Variants in MECR observed in about 807,000 individuals in gnomAD.
MECR encodes the protein enoyl-[acyl-carrier-protein] reductase, mitochondrial.
In MECR, 37 loss-of-function variants were observed where a neutral mutation model predicts 49.1. The ratio of observed to expected loss-of-function variants is 0.75; its 90% confidence interval spans 0.58 to 0.99. The LOEUF (loss-of-function observed/expected upper bound fraction) is 0.99. Among genes scored for constraint, MECR ranks in the 50% least tolerant of loss-of-function variants. The pLI, the probability that MECR is intolerant of heterozygous loss-of-function variation, is 0.00. For synonymous variants in MECR, 198 were observed against 191.1 expected, an observed-to-expected ratio of 1.04 and a Z score of -0.30; for missense variants, 470 against 479.6, an observed-to-expected ratio of 0.98 and a Z score of 0.19.
At chr1:29,174,242 G>A in the MECR span, among the ~76,000 whole-genome samples, 179 of 151,456 alleles carry the variant, frequency 1.2e-3, 2 homozygotes, top group Middle Eastern at 6.8e-3. Context: ...CTTAAACACC[G>A]CAGGTGGAAA....
In MECR at chr1:29,230,767, AC is replaced by A. The variant is rs746463107; in HGVS notation, c.139del (p.Val47SerfsTer19). On this transcript the variant is annotated frameshift_variant, in exon 1 of 10. Transcript: ENST00000263702. LOFTEE classifies it high-confidence loss of function. Reference sequence around the variant, plus strand: ...GGCTGGATCCCCGTGGTGCCCATAGACAAGCGCCCGGACCCGGGCAGGCTCG... The same window carrying A: ...GGCTGGATCCCCGTGGTGCCCATAGAAAGCGCCCGGACCCGGGCAGGCTCG... ...SAEPARVRAL[V>X]YGHHGDPAKV... The A allele has an allele frequency of 1.3e-6, 2 of 1,596,826 alleles. No individual in the cohort carries two copies. Among genetic ancestry groups the A allele is most frequent in the Admixed American group, 3.6e-5 (2 of 56,166 alleles).
the MECR span, among the ~76,000 whole-genome samples, chr1:29,175,839 TTAGA>T: frequency 8.5e-5 from 13 of 152,180 alleles, no homozygotes; most frequent in Non-Finnish European, 1.8e-4. Flanking sequence ...TAACCTCTTC[TTAGA>T]TAATCCTAAA....
the MECR span, among the ~76,000 whole-genome samples, chr1:29,178,436 C>T: frequency 1.3e-5 from 2 of 150,404 alleles, no homozygotes; most frequent in Admixed American, 1.3e-4. Flanking sequence ...CTCCACCTCC[C>T]AGGTTCACGC....
At chr1:29,228,678 G>GC (rs1682722273) in intron 1 of MECR, among the ~76,000 whole-genome samples, 1 of 151,712 alleles carries the variant, frequency 6.6e-6, no homozygotes. Flanking sequence ...CATAATAGAA[G>GC]CTTTTTTTTT....
At chr1:29,219,411 G>C (rs1279117153) in intron 1 of MECR, among the ~76,000 whole-genome samples, 1 of 151,830 alleles carries the variant, frequency 6.6e-6, no homozygotes, top group African/African-American at 2.4e-5. Context: ...TTCTTCCACA[G>C]CTTCTCTATG....
the MECR span, among the ~76,000 whole-genome samples, chr1:29,174,865 G>A: frequency 6.6e-6 from 1 of 151,278 alleles, no homozygotes; most frequent in Non-Finnish European, 1.5e-5. Context: ...GTAGAGACAG[G>A]GTTTCACCAT....
At chr1:29,192,110 C>A (rs1242644972), downstream of MECR, among the ~76,000 whole-genome samples, 1 of 152,032 alleles carries the variant, frequency 6.6e-6, no homozygotes, top group East Asian at 1.9e-4. Flanking sequence ...AACAAACATT[C>A]CGAGCCAGTT....
At chr1:29,206,981 C>A in intron 3 of MECR, 76 bp from the exon 4 acceptor site, 1 of 1,543,282 alleles carries the variant, frequency 6.5e-7, no homozygotes, top group Non-Finnish European at 8.8e-7. Context: ...CCTCCTTGGC[C>A]AAGAAGCATC....
intron 9 of MECR, among the ~76,000 whole-genome samples, chr1:29,195,723 G>C (rs138767236): frequency 2.6e-5 from 4 of 152,184 alleles, no homozygotes; most frequent in Non-Finnish European, 5.9e-5. Flanking sequence ...TCTTCAGGAC[G>C]GGGGCAGTGT....
chr1:29,214,145 T>G (rs111814878), intron 3 of MECR, among the ~76,000 whole-genome samples: 4 of 148,802 alleles, frequency 2.7e-5, no homozygotes, highest in South Asian at 2.2e-4. Flanking sequence ...CACTGTAACC[T>G]CCGCCTCCTG....
the MECR span, among the ~76,000 whole-genome samples, chr1:29,183,996 A>G: frequency 2.0e-5 from 3 of 150,466 alleles, no homozygotes; most frequent in Non-Finnish European, 4.4e-5. Context: ...CTCCTTCCTC[A>G]GCCTCTAGAG....
rs949451177 is a variant in MECR at position 29,230,863 on chromosome 1, C to T, written c.44G>A (p.Arg15Gln). The T allele has an allele frequency of 1.9e-6, 3 of 1,605,934 alleles. No individual in the cohort carries two copies. The highest frequency in any genetic ancestry group is 1.3e-5 in the African/African-American group (1 of 74,942). The change falls in exon 1 of 10, where the codon CGG becomes CAG. Residue 15 changes from arginine (R) to glutamine (Q), a missense_variant. Physicochemically the swap from Arg to Gln is conservative, Grantham distance 43. Coordinates refer to ENST00000263702, the MANE Select transcript of MECR (RefSeq NM_016011.5). ...STLWRVRTPA[R>Q]QWRGLLPASG... The stretch of plus-strand genomic sequence containing the variant: ...AGCTGGGAGCAGCCCCCGCCACTGC[C>T]GGGCGGGGGTTCGCACCCGCCACAG...
chr1:29,205,881 C>T (rs111576165), intron 4 of MECR, among the ~76,000 whole-genome samples: 73 of 152,240 alleles, frequency 4.8e-4, no homozygotes, highest in African/African-American at 1.7e-3. Context: ...TGGGCTTTGC[C>T]TCCATCTCTG....
downstream of MECR, among the ~76,000 whole-genome samples, chr1:29,191,199 T>C (rs959684739): frequency 1.3e-5 from 2 of 152,190 alleles, no homozygotes; most frequent in African/African-American, 2.4e-5. Flanking sequence ...GTTACAAACA[T>C]TCCTGTATGC....
At chr1:29,191,820 G>A (rs1673140930), downstream of MECR, among the ~76,000 whole-genome samples, 1 of 152,254 alleles carries the variant, frequency 6.6e-6, no homozygotes, top group South Asian at 2.1e-4. Context: ...CTGGCCGGGT[G>A]TGGTGGCTTA....
chr1:29,181,414 T>A, the MECR span, among the ~76,000 whole-genome samples: 4 of 152,138 alleles, frequency 2.6e-5, no homozygotes, highest in African/African-American at 9.6e-5. Flanking sequence ...CTTCTCCCCG[T>A]CCCACTCAGG....
At chr1:29,181,791 C>T in the MECR span, 1 of 1,508,506 alleles carries the variant, frequency 6.6e-7, no homozygotes, top group African/African-American at 1.4e-5. Context: ...GGCCCCAGCC[C>T]CCCTTAGGCG....
the MECR span, among the ~76,000 whole-genome samples, chr1:29,174,680 T>TG: frequency 2.7e-5 from 4 of 149,164 alleles, no homozygotes; most frequent in African/African-American, 9.8e-5. Context: ...GATAGGTTTT[T>TG]TTTTTTTTTT....
At chr1:29,181,795 T>G in the MECR span, 3 of 1,501,156 alleles carry the variant, frequency 2.0e-6, no homozygotes, top group African/African-American at 4.3e-5. Flanking sequence ...CCAGCCCCCC[T>G]TAGGCGGCGG....
Sources: allele counts gnomAD v4.1 joint callset (sites outside exome capture counted in the v4.1 genomes callset), GRCh38; gene constraint gnomAD v4.1.1; transcripts MANE v1.5; gene names NCBI Gene and HGNC (gene_info 2026-07-23, HGNC 2026-07-21).